Variants in VDR observed in about 807,000 individuals in gnomAD.
The protein encoded by VDR is vitamin D3 receptor.
A neutral mutation model predicts 39.7 loss-of-function variants in VDR; 19 were observed. The ratio of observed to expected loss-of-function variants is 0.48; its 90% CI spans 0.33 to 0.70. The LOEUF is 0.70. Among genes scored for constraint, VDR ranks in the 30% least tolerant of loss-of-function variants. The probability of loss-of-function intolerance (pLI) is 0.02; values close to 1 mark genes in which losing one functional copy is unlikely to be tolerated. For missense variants in VDR, 442 were observed against 570.5 expected (o/e 0.77, Z 2.29); for synonymous variants, 242 against 215.8 (o/e 1.12, Z -1.07).
intron 1 of VDR, among the ~76,000 whole-genome samples, chr12:47,903,280 C>A (rs1234729749): frequency 6.6e-6 from 1 of 152,196 alleles, no homozygotes; most frequent in Non-Finnish European, 1.5e-5. Context: ...CAGCTTTTTG[C>A]AGTTTGAGTC....
chr12:47,852,323 G>GT (rs774598116), intron 7 of VDR, among the ~76,000 whole-genome samples: 1 of 152,190 alleles, frequency 6.6e-6, no homozygotes, highest in South Asian at 2.1e-4. Context: ...GTGCTTCTGT[G>GT]TTTTTTCCCT....
intron 1 of VDR, among the ~76,000 whole-genome samples, chr12:47,887,533 CA>C (rs1946281036): frequency 6.6e-6 from 1 of 152,190 alleles, no homozygotes; most frequent in African/African-American, 2.4e-5. Flanking sequence ...GCCTGGGTTA[CA>C]CTTAATTTTG....
At chr12:47,852,133 C>G (rs1945400093) in intron 7 of VDR, among the ~76,000 whole-genome samples, 1 of 152,168 alleles carries the variant, frequency 6.6e-6, no homozygotes, top group Non-Finnish European at 1.5e-5. Flanking sequence ...TAATGAGTAA[C>G]TTTCTTTTTA....
At chr12:47,859,976 T>C (rs554925262) in intron 4 of VDR, among the ~76,000 whole-genome samples, 8 of 147,158 alleles carry the variant, frequency 5.4e-5, no homozygotes, top group East Asian at 2.1e-4. Flanking sequence ...TCTTTCTTTC[T>C]TTCTTTCACA....
chr12:47,878,055 A>G (rs1022466162), intron 3 of VDR, among the ~76,000 whole-genome samples: 1 of 152,102 alleles, frequency 6.6e-6, no homozygotes, highest in African/African-American at 2.4e-5. Context: ...AGGCGAGGAG[A>G]GCACTCCGGT....
rs377674137 is a variant in VDR at position 47,865,294 on chromosome 12, A to G, written c.147-117T>C. The G allele has an allele frequency of 2.1e-5, 32 of 1,500,594 alleles. No individual in the cohort carries two copies. The East Asian group carries it at 2.5e-4, about 12-fold the overall frequency. 93.0% of individuals were successfully genotyped at this position (1,500,594 alleles called of 1,614,324 possible). ...CTCCATTTCTCCAACAGAAGACATG[A>G]GGCCCACCCCAGCTGCCAGTCACTC... is the stretch of plus-strand genomic sequence containing the variant. On this transcript the variant is annotated intron_variant, in intron 3 of 9. Coordinates refer to ENST00000549336, the MANE Select transcript of VDR (RefSeq NM_000376.3).
At chr12:47,865,245 G>A (rs1479512093) in intron 3 of VDR, 68 bp from the exon 4 acceptor site, 2 of 1,595,766 alleles carry the variant, frequency 1.3e-6, no homozygotes, top group African/African-American at 1.3e-5. Flanking sequence ...TCATCACGGA[G>A]ACCTGTCTTC....
At chr12:47,881,396 C>A (rs1271159135) in intron 2 of VDR, among the ~76,000 whole-genome samples, 1 of 152,040 alleles carries the variant, frequency 6.6e-6, no homozygotes, top group East Asian at 1.9e-4. Flanking sequence ...ATGCTCGCTA[C>A]CTGGGAGACA....
intron 3 of VDR, among the ~76,000 whole-genome samples, chr12:47,871,392 CCT>C (rs1293289130): frequency 8.6e-6 from 1 of 116,872 alleles, no homozygotes; most frequent in African/African-American, 2.9e-5. Context: ...TTCCTTCCTT[CCT>C]CTCTTTCTCT....
chr12:47,857,065 G>T (rs1317852708), intron 6 of VDR, 64 bp downstream of exon 6: 1 of 1,609,310 alleles, frequency 6.2e-7, no homozygotes, highest in African/African-American at 1.3e-5. Flanking sequence ...GCAGCCCCAG[G>T]GCAGGTGCGG....
intron 1 of VDR, among the ~76,000 whole-genome samples, chr12:47,894,623 G>C (rs1413822524): frequency 6.6e-6 from 1 of 152,204 alleles, no homozygotes; most frequent in African/African-American, 2.4e-5. Flanking sequence ...TCTGCAGCTA[G>C]GCTGGTCAGT....
At chr12:47,860,475 C>T (rs1403653750) in intron 4 of VDR, among the ~76,000 whole-genome samples, 2 of 152,224 alleles carry the variant, frequency 1.3e-5, no homozygotes, top group Non-Finnish European at 2.9e-5. Context: ...GCACCTGGCA[C>T]ACCAGAGAGC....
chr12:47,860,348 C>T (rs1205129390), intron 4 of VDR, among the ~76,000 whole-genome samples: 1 of 152,168 alleles, frequency 6.6e-6, no homozygotes, highest in African/African-American at 2.4e-5. Flanking sequence ...AATAGTCTGA[C>T]ACCAAATATC....
intron 4 of VDR, among the ~76,000 whole-genome samples, chr12:47,859,908 TCC>T (rs1945582368): frequency 8.9e-5 from 4 of 45,178 alleles, no homozygotes; most frequent in Non-Finnish European, 1.6e-4. Context: ...CTTCCTTCCT[TCC>T]TTCCTTCTTT....
chr12:47,856,849 A>G (rs1281652054), intron 6 of VDR, among the ~76,000 whole-genome samples: 1 of 152,216 alleles, frequency 6.6e-6, no homozygotes, highest in Non-Finnish European at 1.5e-5. Flanking sequence ...GGAGGGGGCC[A>G]TGGGCTGAAG....
At chr12:47,901,053 C>T (rs1041339733) in intron 1 of VDR, 1 of 155,038 alleles carries the variant, frequency 6.5e-6, no homozygotes, top group Non-Finnish European at 1.5e-5. Flanking sequence ...ACCAGACACC[C>T]CCATCCTCTC....
rs574270279 is a variant in VDR at position 47,891,093 on chromosome 12, T to C, written c.-83-8319A>G. Reference sequence around the variant, plus strand: ...TCCGCATTGTGTCAAAGGTCAGTATTCAAACCCCAGGTCCTACCAGCTCTG... The same window carrying C: ...TCCGCATTGTGTCAAAGGTCAGTATCCAAACCCCAGGTCCTACCAGCTCTG... On this transcript the variant is annotated intron_variant, in intron 1 of 9. Transcript: ENST00000549336. Among the ~76,000 whole-genome samples the C allele has an allele frequency of 3.9e-4, 59 of 152,322 alleles. 1 individual carries two copies. The highest frequency in any genetic ancestry group is 1.3e-3 in the African/African-American group (55 of 41,564).
chr12:47,884,054 A>G (rs992387732), intron 1 of VDR, among the ~76,000 whole-genome samples: 16 of 152,242 alleles, frequency 1.1e-4, no homozygotes, highest in African/African-American at 3.9e-4. Flanking sequence ...CTACTGCCCA[A>G]GTCCTTCCCA....
intron 1 of VDR, chr12:47,904,607 C>T (rs934730495): frequency 1.7e-5 from 26 of 1,535,906 alleles, no homozygotes; most frequent in African/African-American, 2.7e-5. Context: ...GCCAATCGCT[C>T]CTTTTCTTAT....
Sources: gnomAD v4.1 joint callset for allele counts (sites outside exome capture counted in the v4.1 genomes callset) on GRCh38, gnomAD v4.1.1 for gene constraint, MANE v1.5 for transcripts, NCBI Gene and HGNC (gene_info 2026-07-23, HGNC 2026-07-21) for gene names.